The following GAS7 variants were observed in gnomAD, a reference collection of about 807,000 sequenced individuals.
GAS7 encodes the protein growth arrest specific 7, also known as growth arrest-specific protein 7.
In GAS7, 28 loss-of-function variants were observed where a neutral mutation model predicts 71.1. The ratio of observed to expected loss-of-function variants is 0.39; its 90% CI spans 0.29 to 0.54. The LOEUF is 0.54. Among genes scored for constraint, GAS7 ranks in the 20% least tolerant of loss-of-function variants. The pLI is 0.62. For missense variants in GAS7, 436 were observed against 627.8 expected, an observed-to-expected ratio of 0.69 and a Z score of 3.27; for synonymous variants, 258 against 245.8, an observed-to-expected ratio of 1.05 and a Z score of -0.46.
At chr17:9,976,762 C>T (rs2070222450) in intron 3 of GAS7, among the ~76,000 whole-genome samples, 1 of 152,182 alleles carries the variant, frequency 6.6e-6, no homozygotes, top group Admixed American at 6.5e-5. Context: ...TCCTGAAACA[C>T]TCCCACAACC....
Position 10,005,855 on chromosome 17 carries a change from A to G in GAS7, c.304+13922T>C, listed in dbSNP as rs985947623. The stretch of plus-strand genomic sequence containing the variant: ...AACATTATAATGCCATTTCCCTAGG[A>G]GTCCAGTAATCACAGACCAGCACTT... On this transcript the variant is annotated intron_variant, in intron 2 of 13. Transcript: ENST00000432992. Among the ~76,000 whole-genome samples the G allele has an allele frequency of 3.3e-5, 5 of 152,222 alleles. No individual in the cohort carries two copies. The South Asian group carries it at 1.0e-3, about 32-fold the overall frequency.
intron 1 of GAS7, among the ~76,000 whole-genome samples, chr17:10,061,802 A>G (rs2073223397): frequency 6.6e-6 from 1 of 152,060 alleles, no homozygotes; most frequent in South Asian, 2.1e-4. Flanking sequence ...CCTCCCTCTC[A>G]GGCCAGAACA....
chr17:9,943,490 G>A (rs1166554281), intron 6 of GAS7, among the ~76,000 whole-genome samples: 1 of 152,190 alleles, frequency 6.6e-6, no homozygotes, highest in African/African-American at 2.4e-5. Flanking sequence ...CCCAACCTGG[G>A]AACTGAGAGG....
chr17:10,170,067 T>C (rs1305745064), intron 1 of GAS7, among the ~76,000 whole-genome samples: 1 of 152,142 alleles, frequency 6.6e-6, no homozygotes, highest in Non-Finnish European at 1.5e-5. Context: ...AATCCAGTGG[T>C]GACAGCCATG....
chr17:10,103,512 T>TCA lies in GAS7; in HGVS notation c.184-83617_184-83616dup, dbSNP rs1401289904. On this transcript the variant is annotated intron_variant, in intron 1 of 13. Transcript: ENST00000432992. The surrounding 1 kb of genome is among the most constrained non-coding windows in gnomAD (Gnocchi z 5.5). ...CTCAGATGATGGGAAATGTTTTCTC[T>TCA]CACACTTCACTTAGAAAGATAGGAA... 6.6e-6 allele frequency among the ~76,000 whole-genome samples: 1 copy of TCA among 151,780 alleles called. No homozygotes were observed. Among genetic ancestry groups the TCA allele is most frequent in the African/African-American group, 2.4e-5 (1 of 41,342 alleles).
chr17:10,046,697 C>T (rs1338073714), intron 1 of GAS7, among the ~76,000 whole-genome samples: 3 of 144,984 alleles, frequency 2.1e-5, no homozygotes, highest in Non-Finnish European at 4.5e-5. Flanking sequence ...GATCACGCCA[C>T]TGCACTCCAG....
chr17:9,930,116 G>A (rs981161734), intron 9 of GAS7, among the ~76,000 whole-genome samples: 1 of 152,178 alleles, frequency 6.6e-6, no homozygotes, highest in Admixed American at 6.5e-5. Context: ...CCAGCTTTTT[G>A]GTGAGAACAG....
intron 1 of GAS7, among the ~76,000 whole-genome samples, chr17:10,180,727 T>C (rs2074408276): frequency 6.6e-6 from 1 of 152,178 alleles, no homozygotes; most frequent in African/African-American, 2.4e-5. Context: ...GTAAGATGCC[T>C]GCATGGGATT....
chr17:10,057,163 G>C (rs926137540), intron 1 of GAS7, among the ~76,000 whole-genome samples: 1 of 152,156 alleles, frequency 6.6e-6, no homozygotes, highest in Non-Finnish European at 1.5e-5. Flanking sequence ...CCTCCCAGCC[G>C]CCTGCCTTGG....
chr17:10,058,189 T>C (rs1412552847), intron 1 of GAS7, among the ~76,000 whole-genome samples: 2 of 152,140 alleles, frequency 1.3e-5, no homozygotes, highest in Non-Finnish European at 2.9e-5. Flanking sequence ...CCCTCCACTA[T>C]TGTCCTATGA....
chr17:10,007,625 CAAAAAAAAAAAAA>C (rs201254619), intron 2 of GAS7, among the ~76,000 whole-genome samples: 1,360 of 46,640 alleles, frequency 0.029, 54 homozygotes, highest in East Asian at 0.25. Flanking sequence ...GATTCTGTCT[CAAAAAAAAAAAAA>C]AAAAAAAAAA....
intron 1 of GAS7, among the ~76,000 whole-genome samples, chr17:10,141,954 C>T (rs901162696): frequency 6.7e-6 from 1 of 148,778 alleles, no homozygotes; most frequent in African/African-American, 2.5e-5. Context: ...GTAGGCCGGG[C>T]GCAATGGCTC....
At chr17:10,098,997 G>A (rs979940138) in intron 1 of GAS7, among the ~76,000 whole-genome samples, 1 of 152,194 alleles carries the variant, frequency 6.6e-6, no homozygotes, top group South Asian at 2.1e-4. Flanking sequence ...ACACAGGTTA[G>A]ATGAAGGGCA....
intron 1 of GAS7, among the ~76,000 whole-genome samples, chr17:10,071,250 T>C (rs1476028400): frequency 1.3e-5 from 2 of 152,098 alleles, no homozygotes; most frequent in African/African-American, 4.8e-5. Flanking sequence ...CACCATCCCC[T>C]TGGGCAAGTG....
chr17:10,060,943 T>C (rs1352655807), intron 1 of GAS7, among the ~76,000 whole-genome samples: 1 of 152,078 alleles, frequency 6.6e-6, no homozygotes, highest in Non-Finnish European at 1.5e-5. Context: ...GCTGAGTGAG[T>C]GCATTAGCTC....
Position 10,103,921 on chromosome 17 carries a change from A to C in GAS7, c.184-84024T>G, listed in dbSNP as rs906719897. ...CCCAAATTCATCCTATCCTACCCAC[A>C]TCAGAGCCCACGCTCGCAGCCTTCC... On this transcript the variant is annotated intron_variant, in intron 1 of 13. Coordinates refer to ENST00000432992, the MANE Select transcript of GAS7 (RefSeq NM_201433.2). The surrounding 1 kb of genome is among the most constrained non-coding windows in gnomAD (Gnocchi z 5.5). Among the ~76,000 whole-genome samples the C allele has an allele frequency of 6.6e-6, 1 of 151,612 alleles. No homozygotes were observed. The highest frequency in any genetic ancestry group is 6.6e-5 in the Admixed American group (1 of 15,210).
chr17:9,955,830 C>T (rs1186373302), intron 5 of GAS7, among the ~76,000 whole-genome samples: 2 of 152,176 alleles, frequency 1.3e-5, no homozygotes, highest in African/African-American at 2.4e-5. Context: ...TCAACAAAGC[C>T]GCGTCTTCGC....
intron 1 of GAS7, among the ~76,000 whole-genome samples, chr17:10,128,624 CTT>C (rs2073970698): frequency 6.6e-6 from 1 of 150,376 alleles, no homozygotes; most frequent in African/African-American, 2.4e-5. Flanking sequence ...TTTGCTTTTT[CTT>C]TTCTCTTTTT....
intron 1 of GAS7, among the ~76,000 whole-genome samples, chr17:10,087,368 C>G (rs1054095448): frequency 3.3e-5 from 5 of 152,234 alleles, no homozygotes; most frequent in African/African-American, 7.2e-5. Context: ...TCATCAAAGG[C>G]CTTCCTTAGG....
Sources: allele counts gnomAD v4.1 joint callset (sites outside exome capture counted in the v4.1 genomes callset), GRCh38; gene constraint gnomAD v4.1.1; non-coding constraint Gnocchi (gnomAD v3.1); transcripts MANE v1.5; gene names NCBI Gene and HGNC (gene_info 2026-07-23, HGNC 2026-07-21).